Variants in ABCA12 observed in about 807,000 individuals in gnomAD.
The protein encoded by ABCA12 is glucosylceramide transporter ABCA12.
A neutral mutation model predicts 293.5 loss-of-function variants in ABCA12; 156 were observed. The ratio of observed to expected loss-of-function variants is 0.53; its 90% confidence interval spans 0.47 to 0.61. The LOEUF is 0.61. Among genes scored for constraint, ABCA12 ranks in the 20% least tolerant of loss-of-function variants. The probability of loss-of-function intolerance (pLI) is 0.00; values close to 1 mark genes in which losing one functional copy is unlikely to be tolerated. For synonymous variants in ABCA12, 1,063 were observed against 1,108.0 expected, an observed-to-expected ratio of 0.96 and a Z score of 0.81; for missense variants, 2,797 against 3,090.2, an observed-to-expected ratio of 0.91 and a Z score of 2.25.
rs527854605 is a variant in ABCA12, at chr2:215,102,456, G to C, written c.163+9141C>G. Among the ~76,000 whole-genome samples the C allele has an allele frequency of 1.5e-3, 228 of 152,166 alleles. 2 individuals are homozygous for C. The highest frequency in any genetic ancestry group is 2.8e-3 in the Non-Finnish European group (190 of 67,990). On this transcript the variant is annotated intron_variant, in intron 2 of 52. Transcript: ENST00000272895. The stretch of plus-strand genomic sequence containing the variant: ...TCTACTAAAAATACAAAAATTAGCT[G>C]GGCATGATGGCGCGCACCTGTAGTC...
At chr2:215,001,103 A>C in intron 21 of ABCA12, 83 bp from the exon 22 acceptor site, 1 of 1,336,358 alleles carries the variant, frequency 7.5e-7, no homozygotes, top group Non-Finnish European at 1.1e-6. Context: ...CAGAGGGGAC[A>C]GCCAAACAGT....
Position 215,052,479 on chromosome 2 carries a change from C to G in ABCA12, c.507+8G>C. Reference sequence around the variant, plus strand: ...CACTCTACCCATTACAAAATTGAATCAAGTTACCTTTTCCAAGCCAAGAAT... The same window carrying G: ...CACTCTACCCATTACAAAATTGAATGAAGTTACCTTTTCCAAGCCAAGAAT... On this transcript the variant is annotated splice_region_variant and intron_variant, in intron 5 of 52. Transcript: ENST00000272895. The G allele has an allele frequency of 6.2e-7, 1 of 1,610,318 alleles. No individual in the cohort carries two copies. The highest frequency in any genetic ancestry group is 8.5e-7 in the Non-Finnish European group (1 of 1,177,106).
intron 43 of ABCA12, 87 bp from the exon 44 acceptor site, chr2:214,954,194 A>G: frequency 7.1e-7 from 1 of 1,416,680 alleles, no homozygotes; most frequent in Non-Finnish European, 9.7e-7. Flanking sequence ...GTAGACAAAT[A>G]GTGAAACCTA....
chr2:215,010,606 G>GTTA, intron 17 of ABCA12, 136 bp from the exon 18 acceptor site: 5 of 994,286 alleles, frequency 5.0e-6, no homozygotes, highest in Non-Finnish European at 6.0e-6. Flanking sequence ...TAACAGATGT[G>GTTA]AGGCATCTGG....
intron 16 of ABCA12, 148 bp downstream of exon 16, chr2:215,011,823 G>C: frequency 8.7e-7 from 1 of 1,152,980 alleles, no homozygotes; most frequent in Non-Finnish European, 1.3e-6. Flanking sequence ...AATTAAAGTG[G>C]CAAAAAGTGT....
At chr2:214,954,392 G>A (rs1698876654) in intron 43 of ABCA12, among the ~76,000 whole-genome samples, 1 of 152,176 alleles carries the variant, frequency 6.6e-6, no homozygotes. Context: ...TCCCAGGAAT[G>A]TAGGGCTAGC....
At chr2:215,051,239 T>C (rs1701313780) in intron 5 of ABCA12, among the ~76,000 whole-genome samples, 1 of 152,144 alleles carries the variant, frequency 6.6e-6, no homozygotes, top group Admixed American at 6.6e-5. Context: ...TGGAATTAAC[T>C]GGGCATATTG....
intron 25 of ABCA12, 34 bp from the exon 26 acceptor site, chr2:214,989,497 G>T: frequency 6.2e-7 from 1 of 1,613,776 alleles, no homozygotes. Flanking sequence ...ATTCTTCTGT[G>T]ACACACAGCA....
At chr2:215,068,580 C>T (rs1701678025) in intron 2 of ABCA12, among the ~76,000 whole-genome samples, 3 of 151,846 alleles carry the variant, frequency 2.0e-5, no homozygotes, top group Admixed American at 2.0e-4. Context: ...ACTTTCTCCC[C>T]CATCCTTCTT....
intron 33 of ABCA12, among the ~76,000 whole-genome samples, chr2:214,977,843 T>C (rs77964423): frequency 0.012 from 1,803 of 151,870 alleles, 31 homozygotes; most frequent in African/African-American, 0.041. Flanking sequence ...TGTTTTCCAT[T>C]GAGGGTACCA....
Position 214,942,905 on chromosome 2 carries a change from G to A in ABCA12, c.7436+20C>T, listed in dbSNP as rs1022481655. ...TAGATGACCCAACACTATCTGTTAA[G>A]CAATGCATTTGTTCTTCACCTGCTC... is the stretch of plus-strand genomic sequence containing the variant. On this transcript the variant is annotated intron_variant, in intron 50 of 52. Transcript: ENST00000272895. 20 of 1,598,310 alleles carry A rather than the reference G, an allele frequency of 1.3e-5. No homozygotes were observed. The Admixed American group carries it at 3.3e-4, about 27-fold the overall frequency.
chr2:215,114,618 G>A (rs932532919), intron 1 of ABCA12, among the ~76,000 whole-genome samples: 6 of 152,240 alleles, frequency 3.9e-5, no homozygotes, highest in African/African-American at 1.4e-4. Flanking sequence ...ATTACAGAAA[G>A]TGTATTGCAA....
intron 18 of ABCA12, 44 bp from the exon 19 acceptor site, chr2:215,007,890 T>C: frequency 6.2e-7 from 1 of 1,611,698 alleles, no homozygotes. Flanking sequence ...ATTAGTATTT[T>C]GTCTATATTT....
At chr2:214,960,920 T>C (rs1274489440) in intron 39 of ABCA12, among the ~76,000 whole-genome samples, 2 of 152,088 alleles carry the variant, frequency 1.3e-5, no homozygotes, top group East Asian at 1.9e-4. Context: ...AGAATAGATA[T>C]TGACATTGCA....
At chr2:214,984,962 A>G (rs1393475694) in intron 28 of ABCA12, among the ~76,000 whole-genome samples, 1 of 152,150 alleles carries the variant, frequency 6.6e-6, no homozygotes, top group African/African-American at 2.4e-5. Flanking sequence ...CAATTATTTA[A>G]TACCCATCTC....
At chr2:215,137,971 C>T (rs1177602497) in intron 1 of ABCA12, among the ~76,000 whole-genome samples, 169 bp downstream of exon 1, 1 of 152,004 alleles carries the variant, frequency 6.6e-6, no homozygotes, top group Non-Finnish European at 1.5e-5. Context: ...TGTTAAGACT[C>T]GCTCCATTAG....
chr2:214,974,133 G>GT, intron 35 of ABCA12, 91 bp from the exon 36 acceptor site: 1 of 1,117,402 alleles, frequency 8.9e-7, no homozygotes. Context: ...TTGGTATTAA[G>GT]TTCATGTGTG....
At chr2:215,092,812 C>T (rs1028338803) in intron 2 of ABCA12, among the ~76,000 whole-genome samples, 4 of 152,128 alleles carry the variant, frequency 2.6e-5, no homozygotes. Context: ...CCTCCACAAC[C>T]CATTATTCTG....
In ABCA12 at chr2:214,974,005, T is replaced by C. The variant is rs778106152; in HGVS notation, c.5506A>G (p.Thr1836Ala). 1 of 1,614,022 alleles carries C rather than the reference T, an allele frequency of 6.2e-7. No homozygotes were observed. The highest frequency in any genetic ancestry group is 1.1e-5 in the South Asian group (1 of 91,076). ...AAATTAGTGATGGGTTCTCCACTGG[T>C]GTTCCATTTTTCCAGACTGTCTTTG... is the stretch of plus-strand genomic sequence containing the variant. ...LNKDSLEKWNTSGEPITNFGV... is the reference protein window; with the variant it reads ...LNKDSLEKWNASGEPITNFGV... Residue 1836 changes from threonine (T) to alanine (A), a missense_variant, in exon 36 of 53, where the codon ACC becomes GCC. Thr to Ala is a moderately conservative substitution (Grantham distance 58). Coordinates refer to ENST00000272895, the MANE Select transcript of ABCA12 (RefSeq NM_173076.3).
Sources: allele counts gnomAD v4.1 joint callset (sites outside exome capture counted in the v4.1 genomes callset), GRCh38; gene constraint gnomAD v4.1.1; transcripts MANE v1.5; gene names NCBI Gene and HGNC (gene_info 2026-07-23, HGNC 2026-07-21).